Variants in ZNF248 observed in about 807,000 individuals in gnomAD.
The protein encoded by ZNF248 is zinc finger protein 248.
A neutral mutation model predicts 44.3 loss-of-function variants in ZNF248; 20 were observed. That is an observed-to-expected ratio of 0.45 (90% CI 0.32 to 0.66). ZNF248 has a LOEUF of 0.66. ZNF248 is among the 30% of genes least tolerant of loss of function. The probability of loss-of-function intolerance (pLI) is 0.04; values close to 1 mark genes in which losing one functional copy is unlikely to be tolerated. For synonymous variants in ZNF248, 224 were observed against 229.0 expected, an observed-to-expected ratio of 0.98 and a Z score of 0.20; for missense variants, 654 against 677.0, an observed-to-expected ratio of 0.97 and a Z score of 0.38.
the ZNF248 span, among the ~76,000 whole-genome samples, chr10:37,769,888 C>A: frequency 6.6e-6 from 1 of 152,110 alleles, no homozygotes; most frequent in Non-Finnish European, 1.5e-5. Flanking sequence ...TGTCTCAGCC[C>A]AAAATCTCCT....
At chr10:37,835,295 A>G (rs1293825516) in intron 5 of ZNF248, among the ~76,000 whole-genome samples, 1 of 152,182 alleles carries the variant, frequency 6.6e-6, no homozygotes, top group East Asian at 1.9e-4. Flanking sequence ...AATAGGAACA[A>G]AGAGACTGGT....
At chr10:37,821,089 G>C in intron 6 of ZNF248, 5 of 608,496 alleles carry the variant, frequency 8.2e-6, no homozygotes, top group Non-Finnish European at 1.1e-5. Context: ...GGTCTACAGA[G>C]GTCCTCATGC....
intron 6 of ZNF248, among the ~76,000 whole-genome samples, chr10:37,808,619 G>C (rs1175060021): frequency 6.6e-6 from 1 of 152,114 alleles, no homozygotes; most frequent in Non-Finnish European, 1.5e-5. Flanking sequence ...CCTGAACTCA[G>C]TTTGGTAGCA....
intron 6 of ZNF248, among the ~76,000 whole-genome samples, chr10:37,785,689 A>G (rs1461585864): frequency 6.6e-6 from 1 of 152,124 alleles, no homozygotes; most frequent in Non-Finnish European, 1.5e-5. Context: ...TGGCCACTAA[A>G]ATTCCACTCA....
the ZNF248 span, among the ~76,000 whole-genome samples, chr10:37,771,136 A>G: frequency 2.6e-5 from 4 of 152,156 alleles, no homozygotes; most frequent in African/African-American, 7.2e-5. Context: ...GTGCTGGAGA[A>G]GATGTGGAGA....
At chr10:37,775,185 A>G (rs1445550541), downstream of ZNF248, among the ~76,000 whole-genome samples, 2 of 152,202 alleles carry the variant, frequency 1.3e-5, no homozygotes, top group Admixed American at 6.5e-5. Flanking sequence ...TAATATATAC[A>G]CACTAAAACT....
rs201555880 is a variant in ZNF248 at position 37,810,639 on chromosome 10, A to G, written c.330+22386T>C. Reference sequence around the variant, plus strand: ...AGAAATACTGAAAAAATTAAGCAAAAGAGGTATGAAATAAATGTATAAAAT... The same window carrying G: ...AGAAATACTGAAAAAATTAAGCAAAGGAGGTATGAAATAAATGTATAAAAT... On this transcript the variant is annotated intron_variant, in intron 6 of 6. Coordinates refer to the ZNF248 transcript ENST00000615949. 6.6e-5 allele frequency among the ~76,000 whole-genome samples: 10 copies of G among 152,350 alleles called. No homozygotes were observed. The East Asian group carries it at 1.9e-3, about 29-fold the overall frequency.
chr10:37,832,568 G>T lies in ZNF248; in HGVS notation c.787C>A (p.Pro263Thr). 6.2e-7 allele frequency: 1 copy of T among 1,613,750 alleles called. No individual in the cohort carries two copies. Among genetic ancestry groups the T allele is most frequent in the Non-Finnish European group, 8.5e-7 (1 of 1,179,914 alleles). The change falls in exon 6 of 6, where the codon CCT becomes ACT. Residue 263 changes from proline to threonine, a missense_variant. Coordinates refer to ENST00000395867, the MANE Select transcript of ZNF248 (RefSeq NM_021045.3). ...ESLKLNISQR[P>T]HLEMEPYGCS... ...CCATACGGCTCCATTTCCAAATGAG[G>T]TCTTTGAGATATATTCAGCTTTAAA...
chr10:37,840,228 C>CA (rs2058090424), intron 3 of ZNF248, among the ~76,000 whole-genome samples: 1 of 151,958 alleles, frequency 6.6e-6, no homozygotes, highest in African/African-American at 2.4e-5. Flanking sequence ...GATGCTTCTA[C>CA]AAAAATGAAA....
rs79075828 is a variant in ZNF248, at chr10:37,830,521, T to G, written c.*1094A>C. On this transcript the variant is annotated 3_prime_UTR_variant, in exon 6 of 6. Coordinates refer to ENST00000395867, the MANE Select transcript of ZNF248 (RefSeq NM_021045.3). ...TTTGGCTTCTTTCTTGAAGACGTGG[T>G]TCAGCTGTAAATGGCCATAGCCATT... The G allele has an allele frequency of 4.3e-4, 420 of 985,384 alleles. 2 individuals carry two copies. The African/African-American group carries it at 7.0e-3, about 16-fold the overall frequency. 61.0% of individuals were successfully genotyped at this position (985,384 alleles called of 1,614,324 possible). A position where few individuals can be genotyped will look rare whatever the true frequency, so the allele number is the denominator to read the frequency against.
downstream of ZNF248, chr10:37,776,356 C>T: frequency 2.7e-6 from 1 of 372,720 alleles, no homozygotes; most frequent in Non-Finnish European, 4.8e-6. Flanking sequence ...GATGTGATAA[C>T]ATTTACAGAG....
chr10:37,783,177 T>C (rs2047509212), intron 6 of ZNF248, among the ~76,000 whole-genome samples: 1 of 152,076 alleles, frequency 6.6e-6, no homozygotes, highest in South Asian at 2.1e-4. Flanking sequence ...TTTCCAAACA[T>C]ATCTAGTCAA....
At chr10:37,843,128 G>A (rs2058653292) in intron 3 of ZNF248, among the ~76,000 whole-genome samples, 1 of 152,234 alleles carries the variant, frequency 6.6e-6, no homozygotes, top group East Asian at 1.9e-4. Context: ...GTCACATATA[G>A]AACAAGGAAA....
intron 6 of ZNF248, among the ~76,000 whole-genome samples, chr10:37,809,189 T>C (rs2051101362): frequency 6.6e-6 from 1 of 152,214 alleles, no homozygotes; most frequent in South Asian, 2.1e-4. Flanking sequence ...GTTTAGTTGA[T>C]TTTCTCTATT....
At chr10:37,777,445 T>G (rs1324393835) in intron 6 of ZNF248, among the ~76,000 whole-genome samples, 1 of 152,108 alleles carries the variant, frequency 6.6e-6, no homozygotes, top group Non-Finnish European at 1.5e-5. Context: ...GAATACAATT[T>G]GGCTTCCAGC....
chr10:37,812,534 G>C (rs1258769090), intron 6 of ZNF248, among the ~76,000 whole-genome samples: 1 of 152,120 alleles, frequency 6.6e-6, no homozygotes, highest in Admixed American at 6.6e-5. Flanking sequence ...ACAAAGGCCT[G>C]GACAGTGAGA....
chr10:37,857,767 C>A (rs538759522), upstream of ZNF248: 2 of 152,494 alleles, frequency 1.3e-5, no homozygotes, highest in Admixed American at 6.5e-5. Context: ...TTGCCTACCC[C>A]GTGCTACAGG....
At chr10:37,814,605 G>A (rs1169638642) in intron 6 of ZNF248, among the ~76,000 whole-genome samples, 1 of 152,138 alleles carries the variant, frequency 6.6e-6, no homozygotes, top group Admixed American at 6.5e-5. Flanking sequence ...GTTTATCCAG[G>A]AATGTCTTAA....
intron 1 of ZNF248, 116 bp downstream of exon 1, chr10:37,857,069 G>C (rs1351345122): frequency 1.3e-5 from 2 of 152,322 alleles, no homozygotes; most frequent in Non-Finnish European, 2.9e-5. Flanking sequence ...TCGCGGAGGG[G>C]TGATAACAGC....
Sources: allele counts gnomAD v4.1 joint callset (sites outside exome capture counted in the v4.1 genomes callset), GRCh38; gene constraint gnomAD v4.1.1; transcripts MANE v1.5; gene names NCBI Gene and HGNC (gene_info 2026-07-23, HGNC 2026-07-21).